The following WDR70 variants were observed in gnomAD, a reference collection of about 807,000 sequenced individuals.
The protein encoded by WDR70 is WD repeat-containing protein 70.
Under a neutral mutation model 88.6 loss-of-function variants are expected in WDR70, and 53 were observed. The observed-to-expected ratio is 0.60, with a 90% confidence interval of 0.48 to 0.75. The LOEUF (loss-of-function observed/expected upper bound fraction) is 0.75, where lower values mean the gene tolerates loss of function less well. Ranked by LOEUF, WDR70 falls within the 30% of genes least tolerant of loss-of-function variation. The pLI is 0.00. For missense variants in WDR70, 610 were observed against 823.2 expected (o/e 0.74, Z 3.17); for synonymous variants, 280 against 270.0 (o/e 1.04, Z -0.36).
chr5:37,737,143 C>T (rs1748326920), intron 17 of WDR70, among the ~76,000 whole-genome samples: 1 of 151,996 alleles, frequency 6.6e-6, no homozygotes, highest in Non-Finnish European at 1.5e-5. Context: ...AATAATGATA[C>T]TTTTATTTTA....
chr5:37,741,256 T>A (rs920776475), intron 17 of WDR70, among the ~76,000 whole-genome samples: 19 of 140,272 alleles, frequency 1.4e-4, no homozygotes, highest in Admixed American at 6.3e-4. Context: ...TTTTTTTTTT[T>A]AATTTAAAAA....
rs1253137225 is a variant in WDR70 at position 37,466,852 on chromosome 5, G to A, written c.687-12982G>A. On this transcript the variant is annotated intron_variant, in intron 7 of 17. Coordinates refer to ENST00000265107, the MANE Select transcript of WDR70 (RefSeq NM_018034.4). ...ACATTTCCTCGTCATGTAAAGTTCT[G>A]TTGGATAGTGCTGATCTGTAGCTTA... 3.3e-5 allele frequency among the ~76,000 whole-genome samples: 5 copies of A among 151,984 alleles called. No individual in the cohort carries two copies. The South Asian group carries it at 6.2e-4, about 19-fold the overall frequency.
intron 17 of WDR70, among the ~76,000 whole-genome samples, chr5:37,744,519 G>T (rs1748584961): frequency 1.3e-5 from 2 of 151,994 alleles, no homozygotes; most frequent in Admixed American, 1.3e-4. Context: ...ATGCAAAGAA[G>T]CTAAGAAGCT....
intron 16 of WDR70, among the ~76,000 whole-genome samples, chr5:37,726,532 A>C (rs1266724767): frequency 6.6e-6 from 1 of 152,208 alleles, no homozygotes; most frequent in Non-Finnish European, 1.5e-5. Context: ...TTATTTAAAT[A>C]GCATCTAATG....
chr5:37,658,279 G>A (rs1211411170), intron 10 of WDR70, among the ~76,000 whole-genome samples: 1 of 151,430 alleles, frequency 6.6e-6, no homozygotes, highest in Non-Finnish European at 1.5e-5. Context: ...GCTGTTCAAA[G>A]GTCAGCTGTA....
At chr5:37,445,115 A>G (rs1738415901) in intron 7 of WDR70, among the ~76,000 whole-genome samples, 1 of 152,170 alleles carries the variant, frequency 6.6e-6, no homozygotes, top group Admixed American at 6.5e-5. Context: ...TTCCTGTGGA[A>G]TATCAAAGGC....
intron 8 of WDR70, among the ~76,000 whole-genome samples, chr5:37,491,272 C>G (rs1451323672): frequency 6.6e-6 from 1 of 152,194 alleles, no homozygotes; most frequent in Admixed American, 6.5e-5. Flanking sequence ...TTCCAACATT[C>G]TCTCTTTGAT....
chr5:37,398,559 A>G (rs1749099066), intron 5 of WDR70, among the ~76,000 whole-genome samples: 1 of 152,224 alleles, frequency 6.6e-6, no homozygotes, highest in African/African-American at 2.4e-5. Flanking sequence ...ATAGTACAGC[A>G]AATTTGTCAA....
At chr5:37,557,610 T>G (rs2112363716) in intron 9 of WDR70, among the ~76,000 whole-genome samples, 1 of 152,206 alleles carries the variant, frequency 6.6e-6, no homozygotes, top group Admixed American at 6.5e-5. Flanking sequence ...TGGGACACAC[T>G]TTTGGCAAGG....
Position 37,605,050 on chromosome 5 carries a change from C to G in WDR70, c.918-14C>G, listed in dbSNP as rs1184074437. Reference sequence around the variant, plus strand: ...TTTTTTTAAATAAATGAAAAATCTCCTGATCATTTTTAGGACTGTGAGGAC... The same window carrying G: ...TTTTTTTAAATAAATGAAAAATCTCGTGATCATTTTTAGGACTGTGAGGAC... On this transcript the variant is annotated splice_polypyrimidine_tract_variant and intron_variant, in intron 9 of 17. Coordinates refer to ENST00000265107, the MANE Select transcript of WDR70 (RefSeq NM_018034.4). The G allele has an allele frequency of 6.4e-7, 1 of 1,558,830 alleles. No individual in the cohort carries two copies. Among genetic ancestry groups the G allele is most frequent in the Middle Eastern group, 1.7e-4 (1 of 5,734 alleles).
chr5:37,567,359 G>A (rs1279943165), intron 9 of WDR70, among the ~76,000 whole-genome samples: 2 of 152,060 alleles, frequency 1.3e-5, no homozygotes, highest in Non-Finnish European at 2.9e-5. Flanking sequence ...ACAAAATTTT[G>A]TTCTGCCCAC....
chr5:37,557,940 A>AAACTCTTCAAATGAG (rs1341249679), intron 9 of WDR70, among the ~76,000 whole-genome samples: 1 of 151,538 alleles, frequency 6.6e-6, no homozygotes, highest in African/African-American at 2.4e-5. Flanking sequence ...ACTCTTTTGA[A>AAACTCTTCAAATGAG]TACTCTTCAA....
At chr5:37,626,257 T>G (rs986802280) in intron 10 of WDR70, among the ~76,000 whole-genome samples, 6 of 152,170 alleles carry the variant, frequency 3.9e-5, no homozygotes, top group African/African-American at 1.4e-4. Context: ...GTTTGCCATA[T>G]TTGGCCATTA....
At chr5:37,399,124 A>G (rs1749119270) in intron 5 of WDR70, among the ~76,000 whole-genome samples, 1 of 152,226 alleles carries the variant, frequency 6.6e-6, no homozygotes, top group South Asian at 2.1e-4. Context: ...TAAAAATACA[A>G]AAAATTAGCC....
At chr5:37,474,961 C>T (rs1739433867) in intron 7 of WDR70, among the ~76,000 whole-genome samples, 1 of 151,944 alleles carries the variant, frequency 6.6e-6, no homozygotes, top group Non-Finnish European at 1.5e-5. Context: ...CTCTATTGCC[C>T]AGGCTGGAGT....
intron 7 of WDR70, among the ~76,000 whole-genome samples, chr5:37,460,905 A>T (rs1359676575): frequency 1.3e-5 from 2 of 151,806 alleles, no homozygotes; most frequent in African/African-American, 4.8e-5. Context: ...TATGAGATTA[A>T]GCTCACCTTT....
chr5:37,479,713 T>G, intron 7 of WDR70, 121 bp from the exon 8 acceptor site: 1 of 1,192,868 alleles, frequency 8.4e-7, no homozygotes, highest in Non-Finnish European at 1.2e-6. Context: ...ATGTTCCTGA[T>G]TTTGTGGAAT....
chr5:37,662,026 A>G (rs758572327), intron 10 of WDR70, among the ~76,000 whole-genome samples: 1 of 152,228 alleles, frequency 6.6e-6, no homozygotes, highest in Non-Finnish European at 1.5e-5. Context: ...GAGTCAAACC[A>G]TAAACTGAAT....
Position 37,737,369 on chromosome 5 carries a change from G to A in WDR70, c.1877+10324G>A, listed in dbSNP as rs193300019. Among the ~76,000 whole-genome samples the A allele has an allele frequency of 1.7e-3, 261 of 152,244 alleles. 1 individual carries two copies. The highest frequency in any genetic ancestry group is 6.0e-3 in the African/African-American group (251 of 41,538). ...GAATCAAGCCTATAACTGTAACTAA[G>A]TACAGTGTACTGCTTTTCATCATAA... On this transcript the variant is annotated intron_variant, in intron 17 of 17. Coordinates refer to ENST00000265107, the MANE Select transcript of WDR70 (RefSeq NM_018034.4).
Sources: allele counts gnomAD v4.1 joint callset (sites outside exome capture counted in the v4.1 genomes callset), GRCh38; gene constraint gnomAD v4.1.1; transcripts MANE v1.5; gene names NCBI Gene and HGNC (gene_info 2026-07-23, HGNC 2026-07-21).